KALRN: variants seen among roughly 807,000 people sequenced by gnomAD.
The protein encoded by KALRN is kalirin.
Under a neutral mutation model 353.7 loss-of-function variants are expected in KALRN, and 70 were observed. The ratio of observed to expected loss-of-function variants is 0.20; its 90% CI spans 0.16 to 0.24. The LOEUF (loss-of-function observed/expected upper bound fraction) is 0.24. Ranked by LOEUF, KALRN falls within the 10% of genes least tolerant of loss-of-function variation. The pLI is 1.00. For synonymous variants in KALRN, 1,391 were observed against 1,434.8 expected, an observed-to-expected ratio of 0.97 and a Z score of 0.69; for missense variants, 2,791 against 3,756.7, an observed-to-expected ratio of 0.74 and a Z score of 6.72.
At chr3:124,135,858 C>T (rs1217797809) in intron 1 of KALRN, among the ~76,000 whole-genome samples, 1 of 152,114 alleles carries the variant, frequency 6.6e-6, no homozygotes, top group African/African-American at 2.4e-5. Context: ...GTGATGAACA[C>T]TGGGCATCTG....
At chr3:124,519,133 T>C in intron 33 of KALRN, 1 of 985,466 alleles carries the variant, frequency 1.0e-6, no homozygotes. Flanking sequence ...CCTCCCGAGG[T>C]CTCTGGTTCA....
chr3:124,721,005 A>T lies in KALRN; in HGVS notation c.*1535A>T, dbSNP rs2063345373. On this transcript the variant is annotated 3_prime_UTR_variant, in exon 60 of 60. Transcript: ENST00000682506. ...GGTGTTGCTTCTCTCCTATAATGGG[A>T]TAGAGAAAATTAAAATCACGTAGTA... The T allele has an allele frequency of 6.6e-6, 1 of 152,184 alleles. No homozygotes were observed. Among genetic ancestry groups the T allele is most frequent in the Admixed American group, 6.5e-5 (1 of 15,284 alleles). 9.4% of individuals were successfully genotyped at this position (152,184 alleles called of 1,614,324 possible).
At chr3:124,662,200 T>A (rs1284481638) in intron 45 of KALRN, among the ~76,000 whole-genome samples, 2 of 101,640 alleles carry the variant, frequency 2.0e-5, no homozygotes, top group African/African-American at 6.0e-5. Context: ...ATTCTTTTTT[T>A]TTTTTTTTTT....
chr3:124,532,882 T>C (rs2068165262), intron 33 of KALRN, among the ~76,000 whole-genome samples: 1 of 151,772 alleles, frequency 6.6e-6, no homozygotes. Context: ...ATTTCCTTCT[T>C]TTTTAATCAG....
intron 1 of KALRN, among the ~76,000 whole-genome samples, chr3:124,208,347 T>G (rs1406480943): frequency 6.6e-6 from 1 of 152,200 alleles, no homozygotes; most frequent in Non-Finnish European, 1.5e-5. Context: ...TGCCCATGCC[T>G]TGGAAAGAGA....
intron 1 of KALRN, among the ~76,000 whole-genome samples, chr3:124,071,065 C>CT (rs2059994808): frequency 6.6e-6 from 1 of 151,898 alleles, no homozygotes; most frequent in African/African-American, 2.4e-5. Context: ...ATGTTTAAAA[C>CT]TTAGCATTTC....
chr3:124,422,777 C>T, intron 14 of KALRN, 35 bp from the exon 15 acceptor site: 3 of 1,585,460 alleles, frequency 1.9e-6, no homozygotes, highest in Non-Finnish European at 2.6e-6. Context: ...ACAGTACTAG[C>T]TGGTTTTTAA....
Position 124,323,755 on chromosome 3 carries a change from CA to C in KALRN, c.1093-2220del, listed in dbSNP as rs1250657336. Among the ~76,000 whole-genome samples, 3 of 152,140 alleles carry C rather than the reference CA, an allele frequency of 2.0e-5. No homozygotes were observed. In the South Asian group the frequency reaches 6.2e-4, roughly 32 times the overall value. On this transcript the variant is annotated intron_variant, in intron 6 of 59. Coordinates refer to ENST00000682506, the MANE Select transcript of KALRN (RefSeq NM_001388419.1). ...GGCCTTTCTCCAGGACAGGAAAACC[CA>C]AAAACCTAGATAGATCTGGGTAAGG... is the stretch of plus-strand genomic sequence containing the variant.
intron 33 of KALRN, among the ~76,000 whole-genome samples, chr3:124,510,993 C>G (rs1008017080): frequency 6.6e-6 from 1 of 152,098 alleles, no homozygotes; most frequent in African/African-American, 2.4e-5. Context: ...AAGTGCTGCT[C>G]TAGGGTGGAA....
At chr3:124,196,278 G>C (rs547777431) in intron 1 of KALRN, among the ~76,000 whole-genome samples, 6 of 152,228 alleles carry the variant, frequency 3.9e-5, no homozygotes, top group Admixed American at 1.3e-4. Context: ...TTGGGTATGT[G>C]AGGGCTCTGA....
Position 124,496,000 on chromosome 3 carries a change from TATATATATATATACAC to T in KALRN, c.4833-309_4833-294del, listed in dbSNP as rs2063774600. Among the ~76,000 whole-genome samples, 6 of 56,444 alleles carry T rather than the reference TATATATATATATACAC, an allele frequency of 1.1e-4. 2 individuals carry two copies. Among genetic ancestry groups the T allele is most frequent in the South Asian group, 5.5e-4 (1 of 1,804 alleles). The allele number at this position is 56,444 out of a possible 152,430, so 37.0% of individuals were successfully genotyped here. On this transcript the variant is annotated intron_variant, in intron 32 of 59. Coordinates refer to ENST00000682506, the MANE Select transcript of KALRN (RefSeq NM_001388419.1). Reference sequence around the variant, plus strand: ...ATATATATATATATATATATATATATATATATATATATACACACACATATATACATACATACACCCC... The same window carrying T: ...ATATATATATATATATATATATATATACACATATATACATACATACACCCC...
At chr3:124,308,688 T>C (rs2077946190) in intron 6 of KALRN, among the ~76,000 whole-genome samples, 1 of 151,878 alleles carries the variant, frequency 6.6e-6, no homozygotes, top group Non-Finnish European at 1.5e-5. Context: ...AGAGAACATA[T>C]AGTTGTAATG....
intron 33 of KALRN, among the ~76,000 whole-genome samples, chr3:124,514,570 A>G (rs1261019222): frequency 2.0e-5 from 3 of 152,216 alleles, no homozygotes. Context: ...CAATTCTTCA[A>G]GGTAAGTATC....
intron 3 of KALRN, among the ~76,000 whole-genome samples, chr3:124,254,422 CAAAAAA>C (rs35522040): frequency 7.4e-5 from 9 of 121,272 alleles, no homozygotes; most frequent in African/African-American, 3.1e-4. Flanking sequence ...ATCTATGAAG[CAAAAAA>C]AAAAAAAAAA....
chr3:124,637,169 T>C (rs1390484887), intron 36 of KALRN, 39 bp from the exon 37 acceptor site: 1 of 1,478,124 alleles, frequency 6.8e-7, no homozygotes, highest in Admixed American at 1.7e-5. Context: ...CCTTATTCTT[T>C]GCTAATCTGC....
At chr3:124,397,899 G>A (rs1344453280) in intron 12 of KALRN, among the ~76,000 whole-genome samples, 1 of 152,172 alleles carries the variant, frequency 6.6e-6, no homozygotes, top group Non-Finnish European at 1.5e-5. Context: ...CACTTCACTT[G>A]TGTCCTTTCA....
intron 6 of KALRN, among the ~76,000 whole-genome samples, chr3:124,325,568 C>G (rs2079811482): frequency 6.6e-6 from 1 of 152,144 alleles, no homozygotes; most frequent in Non-Finnish European, 1.5e-5. Context: ...GGGTACAGCT[C>G]TCCCCTGAGC....
At chr3:124,687,775 G>T (rs1047405896) in intron 51 of KALRN, among the ~76,000 whole-genome samples, 1 of 151,890 alleles carries the variant, frequency 6.6e-6, no homozygotes, top group African/African-American at 2.4e-5. Flanking sequence ...ATGCAATTAA[G>T]TTAGAAATCA....
chr3:124,697,729 A>T lies in KALRN; in HGVS notation c.7831+5A>T. The T allele has an allele frequency of 6.5e-7, 1 of 1,548,966 alleles. No homozygotes were observed. The highest frequency in any genetic ancestry group is 8.7e-7 in the Non-Finnish European group (1 of 1,149,680). ...CTGTGGAGTACAGAGAGGAAGGTGC[A>T]CTATCTCCTGCTCTTCTTTTTCTTT... On this transcript the variant is annotated splice_donor_5th_base_variant and intron_variant, in intron 55 of 59. Coordinates refer to ENST00000682506, the MANE Select transcript of KALRN (RefSeq NM_001388419.1).
Sources: allele counts gnomAD v4.1 joint callset (sites outside exome capture counted in the v4.1 genomes callset), GRCh38; gene constraint gnomAD v4.1.1; transcripts MANE v1.5; gene names NCBI Gene and HGNC (gene_info 2026-07-23, HGNC 2026-07-21).